KRT82: variants seen among roughly 807,000 people sequenced by gnomAD.
The protein encoded by KRT82 is keratin 82.
KRT82 carries 44 observed loss-of-function variants against 48.0 expected under a neutral mutation model. The ratio of observed to expected loss-of-function variants is 0.92; its 90% CI spans 0.72 to 1.18. The LOEUF is 1.18. Ranked by LOEUF, KRT82 falls within the 50% of genes most tolerant of loss-of-function variation. The probability of loss-of-function intolerance (pLI) is 0.00; values close to 1 mark genes in which losing one functional copy is unlikely to be tolerated. For synonymous variants in KRT82, 297 were observed against 278.3 expected (o/e 1.07, Z -0.67); for missense variants, 701 against 671.4 (o/e 1.04, Z -0.49).
In KRT82 at chr12:52,394,955, C is replaced by T. The variant is rs747967941; in HGVS notation, c.*20G>A. The T allele has an allele frequency of 1.4e-5, 23 of 1,607,034 alleles. No individual in the cohort carries two copies. The Middle Eastern group carries it at 5.0e-4, about 35-fold the overall frequency. On this transcript the variant is annotated 3_prime_UTR_variant, in exon 9 of 9. Coordinates refer to ENST00000257974, the MANE Select transcript of KRT82 (RefSeq NM_033033.4). ...GGGCCATGGGGCAGGGGCTCTGTCT[C>T]CTGGATGTCTCGGATCATGCTAATG...
rs1208168942 is a variant in KRT82 at position 52,400,615 on chromosome 12, T to TG, written c.688_689insC (p.Asp230AlafsTer9). 6.2e-7 allele frequency: 1 copy of TG among 1,612,806 alleles called. No homozygotes were observed. Among genetic ancestry groups the TG allele is most frequent in the South Asian group, 1.1e-5 (1 of 91,068 alleles). On this transcript the variant is annotated frameshift_variant, in exon 4 of 9. Transcript: ENST00000257974. LOFTEE classifies it high-confidence loss of function. ...GTCAGCCTTCATCAGGAAGGCTGTGTCCACGTCCTGCAGCAGAGCAGGGAC... is the reference window on the plus strand; with the variant it reads ...GTCAGCCTTCATCAGGAAGGCTGTGTGCCACGTCCTGCAGCAGAGCAGGGAC...
chr12:52,396,268 C>T, intron 6 of KRT82, 36 bp from the exon 7 acceptor site: 1 of 1,572,966 alleles, frequency 6.4e-7, no homozygotes, highest in South Asian at 1.1e-5. Context: ...CACTGGGGGC[C>T]CTGGAGCCCC....
rs201217558 is a variant in KRT82, at chr12:52,395,094, C to A, written c.1423G>T (p.Val475Leu). The A allele has an allele frequency of 3.7e-6, 6 of 1,613,914 alleles. No individual in the cohort carries two copies. In the South Asian group the frequency reaches 4.4e-5, roughly 12 times the overall value. ...VLRSNGGCSI[V>L]GTGELYVPCE... Reference sequence around the variant, plus strand: ...GGGACATAGAGTTCACCAGTGCCCACGATGCTGCAGCCCCCATTGCTCCTG... The same window carrying A: ...GGGACATAGAGTTCACCAGTGCCCAAGATGCTGCAGCCCCCATTGCTCCTG... The change falls in exon 9 of 9, where the codon GTG becomes TTG. Residue 475 changes from valine (V) to leucine (L), a missense_variant. By Grantham distance (32) the Val-to-Leu change is conservative. Coordinates refer to ENST00000257974, the MANE Select transcript of KRT82 (RefSeq NM_033033.4).
At chr12:52,400,288 G>T in intron 4 of KRT82, 139 bp from the exon 5 acceptor site, 2 of 921,812 alleles carry the variant, frequency 2.2e-6, no homozygotes, top group Non-Finnish European at 3.2e-6. Context: ...GTCACCAACT[G>T]ACTCCTTGTC....
At chr12:52,395,612 C>A in intron 8 of KRT82, 147 bp downstream of exon 8, 3 of 630,478 alleles carry the variant, frequency 4.8e-6, no homozygotes, top group Admixed American at 3.3e-5. Context: ...GCCCTTTCCA[C>A]CAGCCTGGGA....
Position 52,394,715 on chromosome 12 carries a change from ATGCATGCTCTTTCTC to A in KRT82, c.*245_*259del. ...TATTGCCATTCTGCGGTTAAGAGCA[ATGCATGCTCTTTCTC>A]TGCCGTCTGTCCCCACCATCTGGGC... On this transcript the variant is annotated 3_prime_UTR_variant, in exon 9 of 9. Coordinates refer to ENST00000257974, the MANE Select transcript of KRT82 (RefSeq NM_033033.4). 3.6e-6 allele frequency: 2 copies of A among 557,870 alleles called. No individual in the cohort carries two copies. The highest frequency in any genetic ancestry group is 3.2e-6 in the Non-Finnish European group (1 of 310,172). 34.6% of individuals were successfully genotyped at this position (557,870 alleles called of 1,614,324 possible).
At chr12:52,396,341 C>T (rs753565611) in intron 6 of KRT82, 109 bp from the exon 7 acceptor site, 82 of 1,020,894 alleles carry the variant, frequency 8.0e-5, no homozygotes, top group Non-Finnish European at 1.0e-4. Context: ...CTCACATTTG[C>T]GAGCTTCATC....
chr12:52,401,284 C>G lies in KRT82; in HGVS notation c.681+5G>C. The G allele has an allele frequency of 1.9e-6, 3 of 1,613,900 alleles. No homozygotes were observed. The highest frequency in any genetic ancestry group is 2.5e-6 in the Non-Finnish European group (3 of 1,179,766). On this transcript the variant is annotated splice_donor_5th_base_variant and intron_variant, in intron 3 of 8. Coordinates refer to ENST00000257974, the MANE Select transcript of KRT82 (RefSeq NM_033033.4). ...GGGCTCTGCCTCTCTGAGCTTCCTC[C>G]TTACCTTCTTCAAGGCAACAAACTC... is the stretch of plus-strand genomic sequence containing the variant.
At chr12:52,397,761 C>T (rs990561462) in intron 5 of KRT82, among the ~76,000 whole-genome samples, 3 of 152,182 alleles carry the variant, frequency 2.0e-5, no homozygotes, top group African/African-American at 7.2e-5. Context: ...AAAACAGAAC[C>T]CCTGGCTGGG....
At position 52,401,295 on chromosome 12, in the gene KRT82, C is replaced by T. The variant is rs758654552; in HGVS notation, c.675G>A (p.Leu225=). ...RPCVENEFVA[L]KKDVDTAFLM... The stretch of plus-strand genomic sequence containing the variant: ...CTCTGAGCTTCCTCCTTACCTTCTT[C>T]AAGGCAACAAACTCATTCTCAACAC... The change falls in exon 3 of 9, where the codon TTG becomes TTA. Residue 225 remains leucine, a synonymous_variant. Coordinates refer to ENST00000257974, the MANE Select transcript of KRT82 (RefSeq NM_033033.4). 1.5e-5 allele frequency: 25 copies of T among 1,613,874 alleles called. No homozygotes were observed. The Admixed American group carries it at 2.8e-4, about 18-fold the overall frequency.
chr12:52,401,321 A>C lies in KRT82; in HGVS notation c.649T>G (p.Cys217Gly). The C allele has an allele frequency of 6.2e-7, 1 of 1,614,084 alleles. No homozygotes were observed. The highest frequency in any genetic ancestry group is 8.5e-7 in the Non-Finnish European group (1 of 1,179,958). Residue 217 changes from cysteine to glycine, a missense_variant, in exon 3 of 9, where the codon TGT becomes GGT. Transcript: ENST00000257974. The part of the protein sequence containing the change: ...KYEEELSLRP[C>G]VENEFVALKK... The stretch of plus-strand genomic sequence containing the variant: ...AAGGCAACAAACTCATTCTCAACAC[A>C]GGGACGCAGGGAGAGCTCCTCTTCG...
chr12:52,394,617 AC>A lies in KRT82; in HGVS notation c.*357del. On this transcript the variant is annotated 3_prime_UTR_variant, in exon 9 of 9. Coordinates refer to ENST00000257974, the MANE Select transcript of KRT82 (RefSeq NM_033033.4). Reference sequence around the variant, plus strand: ...TGAGCCTGTGGTGGGAGAGGAGCTGACTTTGTGAGGAAACTTCCATGGGATG... The same window carrying A: ...TGAGCCTGTGGTGGGAGAGGAGCTGATTTGTGAGGAAACTTCCATGGGATG... The A allele has an allele frequency of 3.8e-6, 1 of 265,856 alleles. No homozygotes were observed. The highest frequency in any genetic ancestry group is 8.8e-5 in the East Asian group (1 of 11,400). 16.5% of individuals were successfully genotyped at this position (265,856 alleles called of 1,614,324 possible). A position where few individuals can be genotyped will look rare whatever the true frequency, so the allele number is the denominator to read the frequency against.
At chr12:52,396,727 T>A (rs963321031) in intron 6 of KRT82, among the ~76,000 whole-genome samples, 156 bp downstream of exon 6, 4 of 152,190 alleles carry the variant, frequency 2.6e-5, no homozygotes, top group African/African-American at 9.6e-5. Flanking sequence ...GTCAGCCCTT[T>A]GGTAGAAAGG....
intron 3 of KRT82, 45 bp downstream of exon 3, chr12:52,401,244 C>T (rs763789794): frequency 1.1e-5 from 18 of 1,571,126 alleles, no homozygotes; most frequent in Non-Finnish European, 1.4e-5. Flanking sequence ...CCTGGGGCAA[C>T]GCAGGCCAGC....
intron 2 of KRT82, 81 bp downstream of exon 2, chr12:52,403,620 T>C: frequency 1.1e-6 from 1 of 906,424 alleles, no homozygotes; most frequent in Non-Finnish European, 1.7e-6. Context: ...CTTCCCATTT[T>C]ATAAATGGGG....
chr12:52,396,116 G>A lies in KRT82; in HGVS notation c.1185C>T (p.Asp395=), dbSNP rs1939710553. 1 of 1,614,236 alleles carries A rather than the reference G, an allele frequency of 6.2e-7. No individual in the cohort carries two copies. The highest frequency in any genetic ancestry group is 8.5e-7 in the Non-Finnish European group (1 of 1,180,050). The change falls in exon 7 of 9, where the codon GAC becomes GAT. Residue 395 remains aspartate, a synonymous_variant. Transcript: ENST00000257974. ...LEEALQKAKQ[D]MACLLKEYQE... Reference sequence around the variant, plus strand: ...GATATTCCTTGAGCAGGCAGGCCATGTCCTGCTTGGCCTTCTGCAGAGCCT... The same window carrying A: ...GATATTCCTTGAGCAGGCAGGCCATATCCTGCTTGGCCTTCTGCAGAGCCT...
intron 3 of KRT82, 138 bp from the exon 4 acceptor site, chr12:52,400,760 A>G (rs1939779025): frequency 6.3e-6 from 4 of 634,818 alleles, no homozygotes; most frequent in Non-Finnish European, 1.1e-5. Flanking sequence ...GAGGTGGGGA[A>G]AAAGGGGTCC....
At chr12:52,403,542 G>A (rs1465776100) in intron 2 of KRT82, among the ~76,000 whole-genome samples, 159 bp downstream of exon 2, 1 of 152,180 alleles carries the variant, frequency 6.6e-6, no homozygotes, top group Non-Finnish European at 1.5e-5. Flanking sequence ...CCTACCGTGT[G>A]CCAAGTGGGG....
intron 6 of KRT82, 135 bp downstream of exon 6, chr12:52,396,748 G>T (rs1048189982): frequency 3.1e-6 from 3 of 975,212 alleles, no homozygotes; most frequent in Non-Finnish European, 3.0e-6. Flanking sequence ...GCTTGCTTCT[G>T]CTTGAGCAAG....
Sources: allele counts gnomAD v4.1 joint callset (sites outside exome capture counted in the v4.1 genomes callset), GRCh38; gene constraint gnomAD v4.1.1; transcripts MANE v1.5; gene names NCBI Gene and HGNC (gene_info 2026-07-23, HGNC 2026-07-21).